VWA8: variants seen among roughly 807,000 people sequenced by gnomAD.
VWA8 encodes the protein von Willebrand factor A domain-containing protein 8.
Under a neutral mutation model 241.5 loss-of-function variants are expected in VWA8, and 221 were observed. The ratio of observed to expected loss-of-function variants is 0.91; its 90% CI spans 0.82 to 1.02. The LOEUF (loss-of-function observed/expected upper bound fraction) is 1.02, where lower values mean the gene tolerates loss of function less well. Among genes scored for constraint, VWA8 ranks in the 50% least tolerant of loss-of-function variants. VWA8 has a pLI of 0.00. For synonymous variants in VWA8, 852 were observed against 827.1 expected, an observed-to-expected ratio of 1.03 and a Z score of -0.52; for missense variants, 2,322 against 2,328.7, an observed-to-expected ratio of 1.00 and a Z score of 0.06.
chr13:41,701,313 G>C (rs942598239), intron 28 of VWA8, 79 bp downstream of exon 28: 40 of 1,443,490 alleles, frequency 2.8e-5, no homozygotes, highest in Non-Finnish European at 3.2e-5. Flanking sequence ...TAAACTTTTT[G>C]ATGTCTAGAG....
At chr13:41,951,010 A>G (rs141358548) in intron 1 of VWA8, among the ~76,000 whole-genome samples, 1 of 152,136 alleles carries the variant, frequency 6.6e-6, no homozygotes, top group East Asian at 1.9e-4. Flanking sequence ...ACCTTTTTAC[A>G]TATCTTTGTA....
At chr13:41,721,113 C>A (rs1214161953) in intron 25 of VWA8, among the ~76,000 whole-genome samples, 1 of 152,130 alleles carries the variant, frequency 6.6e-6, no homozygotes, top group Non-Finnish European at 1.5e-5. Flanking sequence ...CTTCACCTGC[C>A]CTCTAACAGC....
At chr13:41,959,294 C>A (rs886735689) in intron 1 of VWA8, among the ~76,000 whole-genome samples, 1 of 152,050 alleles carries the variant, frequency 6.6e-6, no homozygotes, top group Non-Finnish European at 1.5e-5. Flanking sequence ...CTACCCTCAA[C>A]GACCCATGGT....
At chr13:41,682,661 G>A (rs1366443809) in intron 35 of VWA8, among the ~76,000 whole-genome samples, 1 of 152,206 alleles carries the variant, frequency 6.6e-6, no homozygotes, top group Non-Finnish European at 1.5e-5. Flanking sequence ...GTTGGGTGCT[G>A]CTTGAGCCTG....
At chr13:41,585,526 C>T (rs17062420) in intron 42 of VWA8, among the ~76,000 whole-genome samples, 1 of 152,114 alleles carries the variant, frequency 6.6e-6, no homozygotes, top group Non-Finnish European at 1.5e-5. Context: ...TATGAATCTG[C>T]CAATTTTAAT....
chr13:41,921,218 C>T (rs968951419), intron 2 of VWA8, among the ~76,000 whole-genome samples: 4 of 152,148 alleles, frequency 2.6e-5, no homozygotes, highest in African/African-American at 4.8e-5. Flanking sequence ...GCAGAAAAGG[C>T]CTTCAACAAA....
At chr13:41,940,257 GA>G (rs1400534552) in intron 2 of VWA8, among the ~76,000 whole-genome samples, 1 of 152,086 alleles carries the variant, frequency 6.6e-6, no homozygotes, top group East Asian at 1.9e-4. Context: ...CTTGAAAAGT[GA>G]AAGTCTATCA....
rs1485494191 is a variant in VWA8, at chr13:41,961,082, C to T, written c.-67G>A. The T allele has an allele frequency of 2.3e-6, 3 of 1,307,124 alleles. No individual in the cohort carries two copies. Among genetic ancestry groups the T allele is most frequent in the Non-Finnish European group, 2.9e-6 (3 of 1,019,754 alleles). The allele number at this position is 1,307,124 out of a possible 1,614,324, so 81.0% of individuals were successfully genotyped here. ...ATCGAGCGGCGTCCCGTGCAGGCAC[C>T]GTGAGGCAGCGCGGAGAAGGGGACA... On this transcript the variant is annotated 5_prime_UTR_variant, in exon 1 of 45. Coordinates refer to ENST00000379310, the MANE Select transcript of VWA8 (RefSeq NM_015058.2).
intron 37 of VWA8, among the ~76,000 whole-genome samples, chr13:41,626,486 C>T (rs1447998106): frequency 6.6e-6 from 1 of 152,006 alleles, no homozygotes; most frequent in African/African-American, 2.4e-5. Flanking sequence ...AAAGAACAAA[C>T]CCATAGGCAT....
intron 35 of VWA8, among the ~76,000 whole-genome samples, chr13:41,680,417 T>C (rs2045090670): frequency 6.6e-6 from 1 of 152,120 alleles, no homozygotes; most frequent in South Asian, 2.1e-4. Context: ...TCTTTCTCTC[T>C]TTTTTTACAG....
intron 37 of VWA8, among the ~76,000 whole-genome samples, chr13:41,646,015 G>A (rs1312943505): frequency 6.8e-6 from 1 of 146,552 alleles, no homozygotes; most frequent in Non-Finnish European, 1.5e-5. Flanking sequence ...TGCCCAGGCT[G>A]GAGTGCAATG....
At chr13:41,670,909 G>T in intron 37 of VWA8, 37 bp downstream of exon 37, 1 of 1,605,814 alleles carries the variant, frequency 6.2e-7, no homozygotes, top group Non-Finnish European at 8.5e-7. Context: ...ATACTTGAAT[G>T]TGCACCTCTA....
At position 41,960,944 on chromosome 13, in the gene VWA8, C is replaced by A; in HGVS notation, c.72G>T (p.Leu24=). 6.8e-7 allele frequency: 1 copy of A among 1,477,594 alleles called. No homozygotes were observed. 91.5% of individuals were successfully genotyped at this position (1,477,594 alleles called of 1,614,324 possible). The part of the protein sequence containing the change: ...HGGPASRRMR[L]LLRQVVQRRP... ...TGCGCTGCACCACCTGCCGCAGGAGCAGCCGCATGCGCCGCGAGGCCGGGC... is the reference window on the plus strand; with the variant it reads ...TGCGCTGCACCACCTGCCGCAGGAGAAGCCGCATGCGCCGCGAGGCCGGGC... The change falls in exon 1 of 45, where the codon CTG becomes CTT. Residue 24 remains leucine, a synonymous_variant. Transcript: ENST00000379310.
chr13:41,638,359 A>G (rs2044772859), intron 37 of VWA8, among the ~76,000 whole-genome samples: 1 of 152,214 alleles, frequency 6.6e-6, no homozygotes, highest in Non-Finnish European at 1.5e-5. Context: ...TTTATTTGTT[A>G]ATGTACTTTA....
chr13:41,621,377 G>A (rs1329843508), intron 37 of VWA8, among the ~76,000 whole-genome samples: 1 of 152,116 alleles, frequency 6.6e-6, no homozygotes, highest in Non-Finnish European at 1.5e-5. Context: ...TGGGTTTATT[G>A]GGATGTAAGC....
chr13:41,879,759 G>A (rs1166029553), intron 9 of VWA8, among the ~76,000 whole-genome samples: 1 of 151,960 alleles, frequency 6.6e-6, no homozygotes, highest in African/African-American at 2.4e-5. Context: ...AGGGTGTTGT[G>A]TATCCCAAAG....
At chr13:41,817,401 ATAAGCAATTTTTGTT>A (rs1870743986) in intron 15 of VWA8, among the ~76,000 whole-genome samples, 1 of 152,210 alleles carries the variant, frequency 6.6e-6, no homozygotes, top group African/African-American at 2.4e-5. Flanking sequence ...TAATTAAGCT[ATAAGCAATTTTTGTT>A]TAAGCAATAA....
chr13:41,886,874 T>C (rs777551135), intron 6 of VWA8, 44 bp from the exon 7 acceptor site: 1 of 1,426,960 alleles, frequency 7.0e-7, no homozygotes, highest in East Asian at 2.4e-5. Context: ...ACAAGAAATG[T>C]AACAGATTAA....
At chr13:41,857,890 T>G (rs868012915) in intron 12 of VWA8, among the ~76,000 whole-genome samples, 1 of 152,322 alleles carries the variant, frequency 6.6e-6, no homozygotes, top group African/African-American at 2.4e-5. Context: ...GTAAAGCAGA[T>G]GGCCTTCCTC....
Sources: gnomAD v4.1 joint callset for allele counts (sites outside exome capture counted in the v4.1 genomes callset) on GRCh38, gnomAD v4.1.1 for gene constraint, MANE v1.5 for transcripts, NCBI Gene and HGNC (gene_info 2026-07-23, HGNC 2026-07-21) for gene names.